Variants in FCHSD2 observed in about 807,000 individuals in gnomAD.
FCHSD2 encodes FCH and double SH3 domains 2.
FCHSD2 carries 38 observed loss-of-function variants against 108.1 expected under a neutral mutation model. The observed-to-expected ratio is 0.35, with a 90% CI of 0.27 to 0.46. FCHSD2 has a LOEUF of 0.46. Among genes scored for constraint, FCHSD2 ranks in the 20% least tolerant of loss-of-function variants. FCHSD2 has a pLI of 1.00. For missense variants in FCHSD2, 751 were observed against 897.8 expected (o/e 0.84, Z 2.09); for synonymous variants, 279 against 314.7 (o/e 0.89, Z 1.20).
rs531051039 is a variant in FCHSD2 at position 73,048,270 on chromosome 11, T to C, written c.166-32385A>G. On this transcript the variant is annotated intron_variant, in intron 3 of 19. Transcript: ENST00000409418. ...CAGCGGCATCCCTCAGCTCATGCCATGTACCGACACACATATGGGACCCAA... is the reference window on the plus strand; with the variant it reads ...CAGCGGCATCCCTCAGCTCATGCCACGTACCGACACACATATGGGACCCAA... Among the ~76,000 whole-genome samples the C allele has an allele frequency of 1.2e-3, 178 of 152,262 alleles. 1 individual carries two copies. The highest frequency in any genetic ancestry group is 4.1e-3 in the African/African-American group (172 of 41,548).
At chr11:72,919,440 A>G (rs1178984662) in intron 9 of FCHSD2, among the ~76,000 whole-genome samples, 4 of 152,176 alleles carry the variant, frequency 2.6e-5, no homozygotes, top group Non-Finnish European at 5.9e-5. Flanking sequence ...ATTTTCTATT[A>G]AAATAATACA....
intron 2 of FCHSD2, among the ~76,000 whole-genome samples, chr11:73,106,415 A>AG (rs1342576233): frequency 6.6e-6 from 1 of 151,790 alleles, no homozygotes; most frequent in East Asian, 1.9e-4. Flanking sequence ...CCAAAAAAAA[A>AG]AAAAAAAGAA....
intron 12 of FCHSD2, among the ~76,000 whole-genome samples, chr11:72,876,897 A>T (rs1294006554): frequency 1.3e-5 from 2 of 152,178 alleles, no homozygotes; most frequent in Non-Finnish European, 2.9e-5. Flanking sequence ...AAATGTCTTT[A>T]AAAAATCATT....
Position 73,141,926 on chromosome 11 carries a change from CAGGAGG to C in FCHSD2, c.-55_-50del, listed in dbSNP as rs199517517. 0.023 allele frequency: 34,776 copies of C among 1,530,346 alleles called. 493 individuals carry two copies. Among genetic ancestry groups the C allele is most frequent in the Non-Finnish European group, 0.026 (29,090 of 1,138,496 alleles). 94.8% of individuals were successfully genotyped at this position (1,530,346 alleles called of 1,614,324 possible). On this transcript the variant is annotated 5_prime_UTR_variant, in exon 1 of 20. Transcript: ENST00000409418. Reference sequence around the variant, plus strand: ...CCCCGACGGCAGCGTTAGCAAGGACCAGGAGGAGGAGGAGGGCCGGAGAGGAGGGGA... The same window carrying C: ...CCCCGACGGCAGCGTTAGCAAGGACCAGGAGGAGGGCCGGAGAGGAGGGGA...
At chr11:73,032,773 T>C (rs753303236) in intron 3 of FCHSD2, among the ~76,000 whole-genome samples, 4 of 151,966 alleles carry the variant, frequency 2.6e-5, no homozygotes, top group Non-Finnish European at 4.4e-5. Flanking sequence ...AGTGGGAACA[T>C]AGCCCCTTCA....
intron 3 of FCHSD2, among the ~76,000 whole-genome samples, chr11:73,027,972 C>G (rs1288152008): frequency 6.6e-6 from 1 of 152,226 alleles, no homozygotes; most frequent in African/African-American, 2.4e-5. Context: ...GCCTAGATTT[C>G]AGAGAATGTA....
chr11:72,896,154 T>C (rs1020317711), intron 10 of FCHSD2, among the ~76,000 whole-genome samples: 2 of 152,202 alleles, frequency 1.3e-5, no homozygotes, highest in Non-Finnish European at 2.9e-5. Context: ...CAGAATTAAA[T>C]ATCAGAAATA....
intron 2 of FCHSD2, among the ~76,000 whole-genome samples, chr11:73,102,056 T>C (rs2135533951): frequency 6.6e-6 from 1 of 152,300 alleles, no homozygotes; most frequent in Middle Eastern, 3.4e-3. Context: ...GACCATATTT[T>C]TAAATATGAA....
At chr11:72,995,275 A>C (rs1211536362) in intron 5 of FCHSD2, among the ~76,000 whole-genome samples, 1 of 152,174 alleles carries the variant, frequency 6.6e-6, no homozygotes, top group African/African-American at 2.4e-5. Flanking sequence ...ATCAAATACA[A>C]AGTTTTTGTT....
At position 72,921,501 on chromosome 11, in the gene FCHSD2, T is replaced by C. The variant is rs1290511259; in HGVS notation, c.828+327A>G. On this transcript the variant is annotated intron_variant, in intron 9 of 19. Transcript: ENST00000409418. Reference sequence around the variant, plus strand: ...CTTTGTACTGACACATGACCTGTTGTTTCCCCCATGTGAGCAGAGTGCATT... The same window carrying C: ...CTTTGTACTGACACATGACCTGTTGCTTCCCCCATGTGAGCAGAGTGCATT... Among the ~76,000 whole-genome samples, 3 of 152,370 alleles carry C rather than the reference T, an allele frequency of 2.0e-5. 1 individual carries two copies. The Middle Eastern group carries it at 0.01, about 518-fold the overall frequency.
intron 10 of FCHSD2, among the ~76,000 whole-genome samples, chr11:72,898,823 G>A (rs1037316816): frequency 6.6e-6 from 1 of 151,466 alleles, no homozygotes; most frequent in Non-Finnish European, 1.5e-5. Context: ...TCCACCTCCC[G>A]GGCTCAAGTG....
chr11:73,137,355 C>T (rs1861143355), intron 2 of FCHSD2, among the ~76,000 whole-genome samples: 1 of 152,016 alleles, frequency 6.6e-6, no homozygotes, highest in South Asian at 2.1e-4. Flanking sequence ...ATCCTTGGAG[C>T]ACCAACAATC....
rs1413178737 is a variant in FCHSD2, at chr11:72,889,785, T to C, written c.1041+44A>G. 4.6e-6 allele frequency: 5 copies of C among 1,076,192 alleles called. No homozygotes were observed. In the Admixed American group the frequency reaches 7.4e-5, roughly 16 times the overall value. The allele number at this position is 1,076,192 out of a possible 1,614,324, so 66.7% of individuals were successfully genotyped here. ...ACTCAGTTCCTTAAACTGTTTGACA[T>C]TTGGCTTAAGGTGAATGTAACTAGG... On this transcript the variant is annotated intron_variant, in intron 11 of 19. Coordinates refer to ENST00000409418, the MANE Select transcript of FCHSD2 (RefSeq NM_014824.3).
At chr11:72,867,780 T>A (rs1854761696) in intron 13 of FCHSD2, 85 bp downstream of exon 13, 1 of 1,160,532 alleles carries the variant, frequency 8.6e-7, no homozygotes, top group South Asian at 1.7e-5. Flanking sequence ...TTTTAAAAAA[T>A]TTTGGCTATT....
At chr11:72,891,083 A>G (rs1855304920) in intron 10 of FCHSD2, among the ~76,000 whole-genome samples, 1 of 146,056 alleles carries the variant, frequency 6.8e-6, no homozygotes, top group African/African-American at 2.5e-5. Context: ...TACTCAGCTC[A>G]TTTTTTTTTT....
intron 2 of FCHSD2, among the ~76,000 whole-genome samples, chr11:73,130,962 A>C (rs1458231160): frequency 1.3e-5 from 2 of 152,088 alleles, no homozygotes; most frequent in Admixed American, 1.3e-4. Flanking sequence ...CCCTCTCAAG[A>C]TTTACAACAT....
intron 3 of FCHSD2, among the ~76,000 whole-genome samples, chr11:73,076,990 G>A (rs1355791981): frequency 6.6e-6 from 1 of 150,962 alleles, no homozygotes; most frequent in African/African-American, 2.4e-5. Flanking sequence ...GGCACCTGTA[G>A]TCCCAGCTAC....
At chr11:73,136,544 C>T (rs2135577454) in intron 2 of FCHSD2, among the ~76,000 whole-genome samples, 1 of 152,052 alleles carries the variant, frequency 6.6e-6, no homozygotes, top group African/African-American at 2.4e-5. Context: ...GAGACTGCCT[C>T]AAATTTAATA....
chr11:73,096,987 ATTTTTTTTTTTTTT>A lies in FCHSD2; in HGVS notation c.120-13261_120-13248del, dbSNP rs60223064. Among the ~76,000 whole-genome samples the A allele has an allele frequency of 1.5e-3, 41 of 27,048 alleles. 4 individuals carry two copies. Among genetic ancestry groups the A allele is most frequent in the East Asian group, 5.3e-3 (3 of 568 alleles). 17.7% of individuals were successfully genotyped at this position (27,048 alleles called of 152,430 possible). A position where few individuals can be genotyped will look rare whatever the true frequency, so the allele number is the denominator to read the frequency against. ...CTAATGTGATGTATTTCATTGATGG[ATTTTTTTTTTTTTT>A]TTTTTTTTTTTTTTTGATGAGACAG... On this transcript the variant is annotated intron_variant, in intron 2 of 19. Coordinates refer to ENST00000409418, the MANE Select transcript of FCHSD2 (RefSeq NM_014824.3).
Sources: gnomAD v4.1 joint callset for allele counts (sites outside exome capture counted in the v4.1 genomes callset) on GRCh38, gnomAD v4.1.1 for gene constraint, MANE v1.5 for transcripts, NCBI Gene and HGNC (gene_info 2026-07-23, HGNC 2026-07-21) for gene names.